FAM20B: variants seen among roughly 807,000 people sequenced by gnomAD.
The protein encoded by FAM20B is glycosaminoglycan xylosylkinase.
A neutral mutation model predicts 43.8 loss-of-function variants in FAM20B; 23 were observed. The ratio of observed to expected loss-of-function variants is 0.53; its 90% CI spans 0.38 to 0.74. The LOEUF is 0.74. FAM20B is among the 30% of genes least tolerant of loss of function. The pLI is 0.00. For synonymous variants in FAM20B, 178 were observed against 192.4 expected, an observed-to-expected ratio of 0.93 and a Z score of 0.62; for missense variants, 440 against 510.5, an observed-to-expected ratio of 0.86 and a Z score of 1.33.
At chr1:179,032,367 G>C (rs909515170) in intron 1 of FAM20B, among the ~76,000 whole-genome samples, 1 of 141,256 alleles carries the variant, frequency 7.1e-6, no homozygotes, top group Non-Finnish European at 1.5e-5. Flanking sequence ...TGTCACCCAG[G>C]CTGGAATGCA....
At chr1:179,064,190 A>G in intron 5 of FAM20B, 92 bp downstream of exon 5, 2 of 1,422,198 alleles carry the variant, frequency 1.4e-6, no homozygotes, top group Non-Finnish European at 1.9e-6. Flanking sequence ...TCCAAGAGTG[A>G]AAAGAACTGT....
intron 4 of FAM20B, among the ~76,000 whole-genome samples, chr1:179,060,180 T>G (rs1306716909): frequency 2.0e-5 from 3 of 152,224 alleles, no homozygotes; most frequent in Non-Finnish European, 4.4e-5. Flanking sequence ...TTTTACTTAA[T>G]AGATTCTAGA....
chr1:179,062,729 C>T (rs1651522666), intron 4 of FAM20B, among the ~76,000 whole-genome samples: 1 of 152,172 alleles, frequency 6.6e-6, no homozygotes, highest in South Asian at 2.1e-4. Flanking sequence ...TTCACCACTG[C>T]AGGATTTATC....
chr1:179,041,201 A>G (rs1557869513), intron 1 of FAM20B, among the ~76,000 whole-genome samples: 1 of 151,228 alleles, frequency 6.6e-6, no homozygotes, highest in African/African-American at 2.4e-5. Flanking sequence ...GGCTCCTCAC[A>G]TCCCAGACGA....
intron 4 of FAM20B, among the ~76,000 whole-genome samples, chr1:179,060,293 G>A (rs1651407783): frequency 6.6e-6 from 1 of 152,038 alleles, no homozygotes; most frequent in African/African-American, 2.4e-5. Flanking sequence ...AATTTTATTG[G>A]ACTTAAATGT....
chr1:179,032,313 CTT>C (rs547439601), intron 1 of FAM20B, among the ~76,000 whole-genome samples: 1,665 of 111,380 alleles, frequency 0.015, 8 homozygotes, highest in African/African-American at 0.027. Flanking sequence ...AGGTCTCATT[CTT>C]TTTTTTTTTT....
intron 2 of FAM20B, among the ~76,000 whole-genome samples, chr1:179,048,187 C>G (rs1177016604): frequency 6.6e-6 from 1 of 151,956 alleles, no homozygotes; most frequent in Non-Finnish European, 1.5e-5. Context: ...AGGCAGGGGC[C>G]TAGAAGCGCG....
At chr1:179,023,879 T>C (rs956424913), upstream of FAM20B, among the ~76,000 whole-genome samples, 4 of 152,210 alleles carry the variant, frequency 2.6e-5, no homozygotes, top group African/African-American at 9.7e-5. Flanking sequence ...AACGCCCTTC[T>C]TAAATGATTG....
upstream of FAM20B, among the ~76,000 whole-genome samples, chr1:179,024,268 A>G (rs1002780365): frequency 6.6e-6 from 1 of 152,168 alleles, no homozygotes; most frequent in African/African-American, 2.4e-5. Flanking sequence ...GACAGAAGGG[A>G]TCATCCGCCC....
At chr1:179,030,017 T>C (rs1426709176) in intron 1 of FAM20B, among the ~76,000 whole-genome samples, 7 of 152,202 alleles carry the variant, frequency 4.6e-5, no homozygotes, top group African/African-American at 1.7e-4. Flanking sequence ...TTTGTCTTCT[T>C]TCAGTGGTGG....
intron 1 of FAM20B, among the ~76,000 whole-genome samples, chr1:179,034,471 G>A (rs767240554): frequency 2.6e-5 from 4 of 151,942 alleles, no homozygotes; most frequent in African/African-American, 4.8e-5. Flanking sequence ...CTGGGCTCAG[G>A]CAGTCCTTCT....
chr1:179,061,378 C>T (rs1373185572), intron 4 of FAM20B, among the ~76,000 whole-genome samples: 1 of 151,118 alleles, frequency 6.6e-6, no homozygotes, highest in Non-Finnish European at 1.5e-5. Flanking sequence ...AATGCTCTCT[C>T]TCAGCAGTAT....
chr1:179,035,601 C>T (rs1040805946), intron 1 of FAM20B: 46 of 530,518 alleles, frequency 8.7e-5, no homozygotes, highest in Middle Eastern at 1.1e-3. Flanking sequence ...AATGGCTGCA[C>T]GTAACTGTGG....
chr1:179,020,154 T>TACACACACACAC, the FAM20B span, among the ~76,000 whole-genome samples: 3 of 148,716 alleles, frequency 2.0e-5, no homozygotes, highest in South Asian at 4.4e-4. Flanking sequence ...TGTGTGTGTA[T>TACACACACACAC]ACACACACAC....
At chr1:179,053,941 C>T (rs1462858618) in intron 3 of FAM20B, among the ~76,000 whole-genome samples, 1 of 152,084 alleles carries the variant, frequency 6.6e-6, no homozygotes, top group Admixed American at 6.5e-5. Flanking sequence ...CTGTGTGTTC[C>T]AAATTCTGCC....
intron 4 of FAM20B, among the ~76,000 whole-genome samples, chr1:179,056,643 T>C (rs1651231545): frequency 6.6e-6 from 1 of 152,218 alleles, no homozygotes; most frequent in Non-Finnish European, 1.5e-5. Context: ...TTCAGCTCTT[T>C]TGGGTAAATA....
intron 6 of FAM20B, 126 bp from the exon 7 acceptor site, chr1:179,066,674 T>G: frequency 5.9e-6 from 4 of 678,190 alleles, no homozygotes; most frequent in South Asian, 1.8e-5. Context: ...TTAAGTGATT[T>G]GAGCTGCTGG....
chr1:179,026,922 G>T (rs532684617), intron 1 of FAM20B, among the ~76,000 whole-genome samples: 6 of 152,352 alleles, frequency 3.9e-5, no homozygotes, highest in Admixed American at 1.3e-4. Context: ...ATGGATTGGA[G>T]GGAAAGTAGG....
At chr1:179,026,175 G>C (rs2102475640) in intron 1 of FAM20B, 77 bp downstream of exon 1, 1 of 149,292 alleles carries the variant, frequency 6.7e-6, no homozygotes, top group Admixed American at 6.6e-5. Flanking sequence ...GGACCGGCAC[G>C]CGGGCGGGGC....
Sources: allele counts gnomAD v4.1 joint callset (sites outside exome capture counted in the v4.1 genomes callset), GRCh38; gene constraint gnomAD v4.1.1; transcripts MANE v1.5; gene names NCBI Gene and HGNC (gene_info 2026-07-23, HGNC 2026-07-21).